The following ITGB4 variants were observed in gnomAD, a reference collection of about 807,000 sequenced individuals.
ITGB4 encodes integrin beta-4.
Under a neutral mutation model 207.6 loss-of-function variants are expected in ITGB4, and 159 were observed. The observed-to-expected ratio is 0.77, with a 90% CI of 0.67 to 0.87. The LOEUF (loss-of-function observed/expected upper bound fraction) is 0.87, where lower values mean the gene tolerates loss of function less well. Among genes scored for constraint, ITGB4 ranks in the 40% least tolerant of loss-of-function variants. The probability of loss-of-function intolerance (pLI) is 0.00; values close to 1 mark genes in which losing one functional copy is unlikely to be tolerated. For missense variants in ITGB4, 2,278 were observed against 2,546.8 expected, an observed-to-expected ratio of 0.89 and a Z score of 2.27; for synonymous variants, 1,020 against 1,062.7, an observed-to-expected ratio of 0.96 and a Z score of 0.78.
At chr17:75,734,265 T>C (rs2148491357) in intron 13 of ITGB4, among the ~76,000 whole-genome samples, 1 of 151,550 alleles carries the variant, frequency 6.6e-6, no homozygotes, top group East Asian at 1.9e-4. Flanking sequence ...GCCTCCCTAG[T>C]AGGTGGGACT....
intron 18 of ITGB4, 104 bp downstream of exon 18, chr17:75,737,748 C>T: frequency 3.1e-6 from 3 of 973,170 alleles, no homozygotes; most frequent in Non-Finnish European, 4.8e-6. Flanking sequence ...GAGTTCTCAT[C>T]TCCCCAGGGT....
Position 75,754,778 on chromosome 17 carries a change from C to T in ITGB4, c.4521C>T (p.Pro1507=). 1 of 1,613,840 alleles carries T rather than the reference C, an allele frequency of 6.2e-7. No homozygotes were observed. The highest frequency in any genetic ancestry group is 2.2e-5 in the East Asian group (1 of 44,846). ...AACACTCACACTCGACCACACTGCC[C>T]AGGGACTACTCCACCCTCACCTCCG... ...RSEHSHSTTL[P]RDYSTLTSVS... The change falls in exon 34 of 40, where the codon CCC becomes CCT. Residue 1507 remains proline (P), a synonymous_variant. Transcript: ENST00000200181.
chr17:75,729,367 G>A lies in ITGB4; in HGVS notation c.669G>A (p.Glu223=). The change falls in exon 7 of 40, where the codon GAG becomes GAA. Residue 223 remains glutamate, a synonymous_variant. Coordinates refer to ENST00000200181, the MANE Select transcript of ITGB4 (RefSeq NM_000213.5). The surrounding 1 kb of genome is among the most constrained non-coding windows in gnomAD (Gnocchi z 4.4). ...AGTTCCGGAATAAACTGCAGGGAGA[G>A]CGGATCTCAGGCAACCTGGATGCTC... ...VDEFRNKLQG[E]RISGNLDAPE... 1.2e-6 allele frequency: 2 copies of A among 1,614,180 alleles called. No individual in the cohort carries two copies. Among genetic ancestry groups the A allele is most frequent in the Non-Finnish European group, 8.5e-7 (1 of 1,180,032 alleles).
Position 75,730,886 on chromosome 17 carries a change from C to A in ITGB4, c.1014C>A (p.Thr338=). ...CTTCTCTCCCGCAGAAGCTTCACAC[C>A]TATTTCCCTGTCTCCTCACTGGGGG... The part of the protein sequence containing the change: ...YSYSYYEKLH[T]YFPVSSLGVL... Residue 338 remains threonine, a synonymous_variant, in exon 9 of 40, where the codon ACC becomes ACA. Coordinates refer to ENST00000200181, the MANE Select transcript of ITGB4 (RefSeq NM_000213.5). The A allele has an allele frequency of 6.2e-7, 1 of 1,613,354 alleles. No individual in the cohort carries two copies. The highest frequency in any genetic ancestry group is 8.5e-7 in the Non-Finnish European group (1 of 1,179,778).
chr17:75,754,236 T>C (rs1400303015), intron 33 of ITGB4, among the ~76,000 whole-genome samples: 1 of 152,060 alleles, frequency 6.6e-6, no homozygotes, highest in Non-Finnish European at 1.5e-5. Context: ...GGCACCCAAG[T>C]AGACCCCTCA....
rs374056611 is a variant in ITGB4, at chr17:75,733,517, C to T, written c.1482C>T (p.Thr494=). The change falls in exon 13 of 40, where the codon ACC becomes ACT. Residue 494 remains threonine, a synonymous_variant. Coordinates refer to ENST00000200181, the MANE Select transcript of ITGB4 (RefSeq NM_000213.5). ...GTGGCCAGACCTGCAACTGCTCCAC[C>T]GGCTCTCTGAGTGACATTCAGCCCT... ...GWSGQTCNCS[T]GSLSDIQPCL... 2.0e-5 allele frequency: 32 copies of T among 1,613,378 alleles called. No homozygotes were observed. In the Admixed American group the frequency reaches 2.5e-4, roughly 13 times the overall value.
chr17:75,756,898 G>A (rs1167568164), intron 37 of ITGB4, 39 bp downstream of exon 37: 4 of 1,612,084 alleles, frequency 2.5e-6, no homozygotes, highest in East Asian at 2.2e-5. Flanking sequence ...CCAGGGGAGG[G>A]GTAAAGAGGG....
intron 2 of ITGB4, among the ~76,000 whole-genome samples, chr17:75,726,088 T>C (rs2060711676): frequency 1.3e-5 from 2 of 152,224 alleles, no homozygotes; most frequent in Non-Finnish European, 2.9e-5. Context: ...GAGTGGGAAG[T>C]CCCAGGTTTG....
chr17:75,728,322 G>A (rs2060768991), intron 5 of ITGB4, 55 bp from the exon 6 acceptor site: 2 of 1,511,750 alleles, frequency 1.3e-6, no homozygotes, highest in Admixed American at 3.3e-5. Context: ...GGGGGCCCGT[G>A]TTTATGCCAG....
rs761877015 is a variant in ITGB4 at position 75,757,079 on chromosome 17, C to T, written c.5190C>T (p.Gly1730=). ...TTEGFGPERE[G]IITIESQDGG... ...AGGGCTTCGGGCCAGAGCGCGAGGGCATCATCACCATAGAGTCCCAGGATG... is the reference window on the plus strand; with the variant it reads ...AGGGCTTCGGGCCAGAGCGCGAGGGTATCATCACCATAGAGTCCCAGGATG... Residue 1730 remains glycine, a synonymous_variant, in exon 38 of 40, where the codon GGC becomes GGT. Transcript: ENST00000200181. 1.2e-6 allele frequency: 2 copies of T among 1,612,940 alleles called. No individual in the cohort carries two copies. Among genetic ancestry groups the T allele is most frequent in the Admixed American group, 3.3e-5 (2 of 60,018 alleles).
chr17:75,752,168 C>T lies in ITGB4; in HGVS notation c.3794-6C>T, dbSNP rs1427113916. 3.7e-6 allele frequency: 6 copies of T among 1,613,752 alleles called. No homozygotes were observed. The Admixed American group carries it at 1.0e-4, about 27-fold the overall frequency. On this transcript the variant is annotated splice_region_variant and splice_polypyrimidine_tract_variant and intron_variant, in intron 30 of 39. Coordinates refer to ENST00000200181, the MANE Select transcript of ITGB4 (RefSeq NM_000213.5). ...GTGACCCTCTGAAGCACTCTCTCTG[C>T]CCCAGGACCTATTGGGCCCATGAAG...
rs141793241 is a variant in ITGB4 at position 75,728,596 on chromosome 17, C to T, written c.566+123C>T. On this transcript the variant is annotated intron_variant, in intron 6 of 39. Coordinates refer to ENST00000200181, the MANE Select transcript of ITGB4 (RefSeq NM_000213.5). ...GGGCACGGTGGCTCATGCCTGTAATCCCAGCACTTTGGGAGACCAGGGCGG... is the reference window on the plus strand; with the variant it reads ...GGGCACGGTGGCTCATGCCTGTAATTCCAGCACTTTGGGAGACCAGGGCGG... 47 of 788,972 alleles carry T rather than the reference C, an allele frequency of 6.0e-5. No homozygotes were observed. In the East Asian group the frequency reaches 1.3e-3, roughly 22 times the overall value. 48.9% of individuals were successfully genotyped at this position (788,972 alleles called of 1,614,324 possible). A position where few individuals can be genotyped will look rare whatever the true frequency, so the allele number is the denominator to read the frequency against.
chr17:75,757,150 C>T lies in ITGB4; in HGVS notation c.5218+43C>T, dbSNP rs376475265. 4.0e-5 allele frequency: 64 copies of T among 1,612,626 alleles called. No homozygotes were observed. In the African/African-American group the frequency reaches 5.1e-4, roughly 13 times the overall value. On this transcript the variant is annotated intron_variant, in intron 38 of 39. Transcript: ENST00000200181. ...CCTTCACCCCCACCCCTCCTCGGGC[C>T]GTGCCTCCTTCTGGCACCACCCTCT...
rs1170160696 is a variant in ITGB4 at position 75,729,195 on chromosome 17, G to A, written c.567-70G>A. 2.1e-6 allele frequency: 3 copies of A among 1,402,058 alleles called. No homozygotes were observed. Among genetic ancestry groups the A allele is most frequent in the Non-Finnish European group, 2.0e-6 (2 of 1,014,874 alleles). The allele number at this position is 1,402,058 out of a possible 1,614,324, so 86.9% of individuals were successfully genotyped here. ...AAAAAATTCTCCTTCTAGTTGAAAC[G>A]AGCCAGGGGCACTGGGGTCTGCGGC... On this transcript the variant is annotated intron_variant, in intron 6 of 39. Transcript: ENST00000200181. This position sits in a 1 kb window ranked among gnomAD's most constrained non-coding sequence, Gnocchi z 4.4.
chr17:75,741,077 G>A (rs375083103), intron 23 of ITGB4, 72 bp downstream of exon 23: 22 of 1,538,940 alleles, frequency 1.4e-5, no homozygotes, highest in South Asian at 6.8e-5. Flanking sequence ...CCACTGCCTC[G>A]TCCGTCCCTA....
intron 2 of ITGB4, among the ~76,000 whole-genome samples, chr17:75,725,688 T>G (rs1457765458): frequency 6.6e-6 from 1 of 152,186 alleles, no homozygotes; most frequent in Non-Finnish European, 1.5e-5. Flanking sequence ...GTACACCAGG[T>G]GCACACAGTA....
In ITGB4 at chr17:75,752,282, G is replaced by A. The variant is rs1035224108; in HGVS notation, c.3902G>A (p.Arg1301His). 5 of 1,613,256 alleles carry A rather than the reference G, an allele frequency of 3.1e-6. No homozygotes were observed. Among genetic ancestry groups the A allele is most frequent in the Admixed American group, 1.7e-5 (1 of 60,012 alleles). The change falls in exon 31 of 40, where the codon CGC becomes CAC. Residue 1301 changes from arginine to histidine, a missense_variant. Transcript: ENST00000200181. ...SQPYRYTVKA[R>H]NGAGWGPERE... Reference sequence around the variant, plus strand: ...CCCTACCGCTACACGGTGAAGGCGCGCAACGGGGCCGGCTGGGGGCCTGAG... The same window carrying A: ...CCCTACCGCTACACGGTGAAGGCGCACAACGGGGCCGGCTGGGGGCCTGAG...
At chr17:75,738,846 C>T (rs1024736818) in intron 18 of ITGB4, among the ~76,000 whole-genome samples, 8 of 152,130 alleles carry the variant, frequency 5.3e-5, no homozygotes, top group East Asian at 1.9e-4. Context: ...GGCACGGCTG[C>T]GCGTGCCTGT....
At chr17:75,721,887 T>C (rs917888000) in intron 1 of ITGB4, among the ~76,000 whole-genome samples, 1 of 152,216 alleles carries the variant, frequency 6.6e-6, no homozygotes, top group Non-Finnish European at 1.5e-5. Flanking sequence ...CAGTGGCTGG[T>C]AGCCCTCTGG....
Sources: allele counts gnomAD v4.1 joint callset (sites outside exome capture counted in the v4.1 genomes callset), GRCh38; gene constraint gnomAD v4.1.1; non-coding constraint Gnocchi (gnomAD v3.1); transcripts MANE v1.5; gene names NCBI Gene and HGNC (gene_info 2026-07-23, HGNC 2026-07-21).